PDE11A: variants seen among roughly 807,000 people sequenced by gnomAD.
PDE11A encodes dual 3',5'-cyclic-AMP and -GMP phosphodiesterase 11A.
PDE11A carries 100 observed loss-of-function variants against 100.5 expected under a neutral mutation model. The ratio of observed to expected loss-of-function variants is 1.00; its 90% CI spans 0.85 to 1.18. The LOEUF is 1.18. Among genes scored for constraint, PDE11A ranks in the 50% most tolerant of loss-of-function variants. The pLI, the probability that PDE11A is intolerant of heterozygous loss-of-function variation, is 0.00. For missense variants in PDE11A, 1,141 were observed against 1,152.6 expected (o/e 0.99, Z 0.15); for synonymous variants, 381 against 420.8 (o/e 0.91, Z 1.16).
intron 5 of PDE11A, among the ~76,000 whole-genome samples, chr2:177,856,287 C>A (rs1026307293): frequency 1.3e-4 from 20 of 152,120 alleles, no homozygotes; most frequent in African/African-American, 4.8e-4. Context: ...ACAGAAATGA[C>A]AACAAACATT....
intron 2 of PDE11A, among the ~76,000 whole-genome samples, chr2:177,930,048 T>C (rs2085184874): frequency 6.6e-6 from 1 of 152,242 alleles, no homozygotes; most frequent in African/African-American, 2.4e-5. Flanking sequence ...TGTATGTGAT[T>C]TGGCAGTTAA....
At chr2:178,044,350 G>GATATATAAACTTTATATATATGTTTTTAT (rs970472509) in intron 1 of PDE11A, among the ~76,000 whole-genome samples, 290 of 122,662 alleles carry the variant, frequency 2.4e-3, no homozygotes, top group Middle Eastern at 8.3e-3. Context: ...AGTGTATATA[G>GATATATAAACTTTATATATATGTTTTTAT]ATATATAAAC....
rs10167777 is a variant in PDE11A at position 177,714,472 on chromosome 2, G to A, written c.2044-2594C>T. 8.5e-5 allele frequency among the ~76,000 whole-genome samples: 13 copies of A among 152,286 alleles called. No individual in the cohort carries two copies. In the East Asian group the frequency reaches 2.3e-3, roughly 27 times the overall value. ...TATTACTGTCCCCAGTTATAGATGA[G>A]AAAACTGAGTCACAGAGAGGCTAAG... On this transcript the variant is annotated intron_variant, in intron 12 of 19. Transcript: ENST00000286063.
intron 9 of PDE11A, among the ~76,000 whole-genome samples, chr2:177,812,591 G>A (rs950711479): frequency 6.6e-6 from 1 of 152,040 alleles, no homozygotes; most frequent in Non-Finnish European, 1.5e-5. Context: ...AGGCAGATAA[G>A]CTAGATATGA....
Position 177,777,478 on chromosome 2 carries a change from T to C in PDE11A, c.1738-8105A>G, listed in dbSNP as rs181431744. Among the ~76,000 whole-genome samples, 5 of 152,294 alleles carry C rather than the reference T, an allele frequency of 3.3e-5. No individual in the cohort carries two copies. In the East Asian group the frequency reaches 9.6e-4, roughly 29 times the overall value. On this transcript the variant is annotated intron_variant, in intron 9 of 19. Coordinates refer to ENST00000286063, the MANE Select transcript of PDE11A (RefSeq NM_016953.4). ...CTAAAAATCAGGCAAATTTCTATAG[T>C]TGAGAATAAATCTTAACAAATTGCA...
intron 15 of PDE11A, among the ~76,000 whole-genome samples, chr2:177,689,518 T>G (rs989323500): frequency 6.6e-6 from 1 of 152,164 alleles, no homozygotes; most frequent in Non-Finnish European, 1.5e-5. Flanking sequence ...TGCAATTAAT[T>G]GTTACATGCA....
chr2:177,676,225 C>A (rs1038249189), intron 16 of PDE11A: 21 of 155,900 alleles, frequency 1.3e-4, no homozygotes, highest in Admixed American at 3.1e-4. Context: ...ACACTGGGAA[C>A]AATTCAAATT....
At chr2:177,653,782 C>A (rs2105464116) in intron 19 of PDE11A, among the ~76,000 whole-genome samples, 1 of 152,332 alleles carries the variant, frequency 6.6e-6, no homozygotes, top group East Asian at 1.9e-4. Flanking sequence ...GCTTCTAGAA[C>A]TGTGAGCAAA....
chr2:177,710,976 T>C (rs2081351395), intron 13 of PDE11A, among the ~76,000 whole-genome samples: 1 of 152,222 alleles, frequency 6.6e-6, no homozygotes. Context: ...CTCTCCAGCC[T>C]CTGAAAGCCT....
In PDE11A at chr2:178,072,744, TGCC is replaced by T; in HGVS notation, c.-310_-308del. On this transcript the variant is annotated 5_prime_UTR_variant, in exon 1 of 20. Transcript: ENST00000286063. ...GAGCTATCGCTGCTCCTGTTCTGGC[TGCC>T]GCCGCTGCTGCTGGAACTGCTGCTG... The T allele has an allele frequency of 7.6e-7, 1 of 1,319,530 alleles. No individual in the cohort carries two copies. Among genetic ancestry groups the T allele is most frequent in the Non-Finnish European group, 9.7e-7 (1 of 1,027,818 alleles). The allele number at this position is 1,319,530 out of a possible 1,614,324, so 81.7% of individuals were successfully genotyped here.
At chr2:178,079,158 A>G (rs1180384472) in intron 2 of PDE11A, among the ~76,000 whole-genome samples, 1 of 152,200 alleles carries the variant, frequency 6.6e-6, no homozygotes, top group Non-Finnish European at 1.5e-5. Flanking sequence ...TTTTTCTTCA[A>G]CTTTTAAGTT....
intron 19 of PDE11A, among the ~76,000 whole-genome samples, chr2:177,636,280 A>T (rs1020529390): frequency 2.6e-5 from 4 of 152,158 alleles, no homozygotes; most frequent in African/African-American, 9.7e-5. Context: ...TATACTCCAG[A>T]TGCTAATTTC....
chr2:178,101,013 A>G (rs1215577897), intron 2 of PDE11A, among the ~76,000 whole-genome samples: 2 of 152,236 alleles, frequency 1.3e-5, no homozygotes, highest in Non-Finnish European at 2.9e-5. Context: ...TCTATTCAGT[A>G]GTCTATCAAC....
intron 2 of PDE11A, among the ~76,000 whole-genome samples, chr2:177,924,572 T>C (rs1298017415): frequency 1.3e-5 from 2 of 152,114 alleles, no homozygotes; most frequent in African/African-American, 4.8e-5. Context: ...TCAGAGTCAA[T>C]ATTTTATTTA....
At chr2:178,068,168 T>C (rs1211307283) in intron 1 of PDE11A, among the ~76,000 whole-genome samples, 2 of 152,136 alleles carry the variant, frequency 1.3e-5, no homozygotes, top group Non-Finnish European at 2.9e-5. Context: ...AAATAACTTA[T>C]AACTATCTGG....
chr2:177,907,868 G>T (rs570259172), intron 2 of PDE11A, among the ~76,000 whole-genome samples: 1 of 152,266 alleles, frequency 6.6e-6, no homozygotes, highest in South Asian at 2.1e-4. Flanking sequence ...TGGGGTCAGG[G>T]AACCAGCAAA....
chr2:177,850,578 G>A (rs138883589), intron 5 of PDE11A, among the ~76,000 whole-genome samples: 1 of 151,666 alleles, frequency 6.6e-6, no homozygotes, highest in South Asian at 2.1e-4. Flanking sequence ...CAAAAGAAAC[G>A]ACCATCAGAG....
Position 177,830,614 on chromosome 2 carries a change from A to G in PDE11A, c.1500+9637T>C, listed in dbSNP as rs2105603919. Among the ~76,000 whole-genome samples, 3 of 112,362 alleles carry G rather than the reference A, an allele frequency of 2.7e-5. No individual in the cohort carries two copies. The South Asian group carries it at 7.9e-4, about 30-fold the overall frequency. 73.7% of individuals were successfully genotyped at this position (112,362 alleles called of 152,430 possible). On this transcript the variant is annotated intron_variant, in intron 6 of 19. Transcript: ENST00000286063. ...AGACTCCATCTCAAATAATAATAAT[A>G]ATAATAATAATAATAATAATAATAA... is the stretch of plus-strand genomic sequence containing the variant.
At chr2:178,037,133 G>A (rs1347559198) in intron 1 of PDE11A, among the ~76,000 whole-genome samples, 5 of 152,038 alleles carry the variant, frequency 3.3e-5, no homozygotes, top group African/African-American at 1.2e-4. Flanking sequence ...TCTGACAAAG[G>A]TCTAATATCC....
Sources: allele counts gnomAD v4.1 joint callset (sites outside exome capture counted in the v4.1 genomes callset), GRCh38; gene constraint gnomAD v4.1.1; transcripts MANE v1.5; gene names NCBI Gene and HGNC (gene_info 2026-07-23, HGNC 2026-07-21).